NELL1: variants seen among roughly 807,000 people sequenced by gnomAD.
NELL1 encodes the protein neural EGFL like 1.
Under a neutral mutation model 107.4 loss-of-function variants are expected in NELL1, and 76 were observed. The ratio of observed to expected loss-of-function variants is 0.71; its 90% CI spans 0.59 to 0.86. The LOEUF (loss-of-function observed/expected upper bound fraction) is 0.86, where lower values mean the gene tolerates loss of function less well. Among genes scored for constraint, NELL1 ranks in the 40% least tolerant of loss-of-function variants. The probability of loss-of-function intolerance (pLI) is 0.00; values close to 1 mark genes in which losing one functional copy is unlikely to be tolerated. For synonymous variants in NELL1, 353 were observed against 341.2 expected (o/e 1.03, Z -0.38); for missense variants, 1,024 against 1,005.5 (o/e 1.02, Z -0.25).
At chr11:21,100,600 C>A (rs554469571) in intron 12 of NELL1, among the ~76,000 whole-genome samples, 3 of 152,258 alleles carry the variant, frequency 2.0e-5, no homozygotes, top group Non-Finnish European at 2.9e-5. Context: ...CATTTGTAGA[C>A]ATATACTCCA....
At chr11:20,811,309 T>G (rs1457627723) in intron 3 of NELL1, among the ~76,000 whole-genome samples, 7 of 152,324 alleles carry the variant, frequency 4.6e-5, no homozygotes, top group Non-Finnish European at 7.4e-5. Flanking sequence ...GTTGCATGTC[T>G]GTTTTTATGC....
At chr11:21,445,429 C>A (rs1397307096) in intron 15 of NELL1, among the ~76,000 whole-genome samples, 1 of 152,084 alleles carries the variant, frequency 6.6e-6, no homozygotes, top group Non-Finnish European at 1.5e-5. Context: ...CAGGTTCAAG[C>A]AATTTTCCTG....
chr11:21,529,278 C>T (rs1286986437), intron 15 of NELL1, among the ~76,000 whole-genome samples: 2 of 151,936 alleles, frequency 1.3e-5, no homozygotes, highest in Non-Finnish European at 2.9e-5. Flanking sequence ...TTTTTATGAC[C>T]CATATTGAAA....
At chr11:21,020,704 C>G (rs191556205) in intron 12 of NELL1, among the ~76,000 whole-genome samples, 1 of 152,136 alleles carries the variant, frequency 6.6e-6, no homozygotes, top group Non-Finnish European at 1.5e-5. Context: ...GAAGACATCA[C>G]TCCTTCTTGC....
chr11:21,197,834 T>G (rs1590724951), intron 13 of NELL1, among the ~76,000 whole-genome samples: 1 of 152,316 alleles, frequency 6.6e-6, no homozygotes, highest in South Asian at 2.1e-4. Context: ...CTCACTGAAC[T>G]TCTGTTTCAT....
intron 12 of NELL1, among the ~76,000 whole-genome samples, chr11:21,026,100 C>A (rs1398414273): frequency 6.6e-6 from 1 of 152,162 alleles, no homozygotes; most frequent in African/African-American, 2.4e-5. Context: ...TCTCTTAACT[C>A]TTCTCTCTGT....
intron 14 of NELL1, among the ~76,000 whole-genome samples, chr11:21,263,165 A>T (rs953067986): frequency 6.6e-6 from 1 of 151,840 alleles, no homozygotes; most frequent in Non-Finnish European, 1.5e-5. Flanking sequence ...GTGTTCTGTT[A>T]ATGGAGTTCT....
chr11:21,339,771 C>T (rs1220710131), intron 14 of NELL1, among the ~76,000 whole-genome samples: 1 of 152,142 alleles, frequency 6.6e-6, no homozygotes, highest in African/African-American at 2.4e-5. Context: ...GGCTCAAGTG[C>T]CAGGCTTTAG....
At chr11:21,217,019 C>T (rs559577238) in intron 13 of NELL1, among the ~76,000 whole-genome samples, 32 of 152,248 alleles carry the variant, frequency 2.1e-4, no homozygotes, top group African/African-American at 7.7e-4. Flanking sequence ...AGGAGGGACC[C>T]AGTGGGAAGT....
chr11:21,387,450 G>A (rs1216349686), intron 15 of NELL1, among the ~76,000 whole-genome samples: 1 of 151,770 alleles, frequency 6.6e-6, no homozygotes, highest in Non-Finnish European at 1.5e-5. Context: ...CTGGAACTCA[G>A]TTTGCACTCA....
intron 14 of NELL1, among the ~76,000 whole-genome samples, chr11:21,342,414 G>GT (rs1019680385): frequency 6.8e-6 from 1 of 146,516 alleles, no homozygotes; most frequent in Admixed American, 6.8e-5. Context: ...GCTTAAGTGG[G>GT]GGGGGGGGTC....
intron 12 of NELL1, among the ~76,000 whole-genome samples, chr11:21,077,360 A>C (rs1400875638): frequency 6.6e-6 from 1 of 152,208 alleles, no homozygotes; most frequent in African/African-American, 2.4e-5. Flanking sequence ...TGCTATAAAA[A>C]GCCAATAAGC....
intron 12 of NELL1, among the ~76,000 whole-genome samples, chr11:21,001,439 C>T (rs1379965216): frequency 6.6e-6 from 1 of 151,218 alleles, no homozygotes; most frequent in Non-Finnish European, 1.5e-5. Flanking sequence ...GTCTGACTCA[C>T]CACTTGCCAA....
intron 14 of NELL1, among the ~76,000 whole-genome samples, chr11:21,254,857 G>A (rs1365680405): frequency 6.6e-6 from 1 of 152,118 alleles, no homozygotes; most frequent in Non-Finnish European, 1.5e-5. Context: ...CAGTGTGGTT[G>A]CATGGAGTTC....
chr11:21,225,292 A>G (rs1482032078), intron 13 of NELL1, among the ~76,000 whole-genome samples: 1 of 152,158 alleles, frequency 6.6e-6, no homozygotes, highest in Non-Finnish European at 1.5e-5. Context: ...CTCTCAGGAA[A>G]TATGAAGTTG....
intron 5 of NELL1, among the ~76,000 whole-genome samples, chr11:20,914,146 C>G (rs1850194784): frequency 6.6e-6 from 1 of 152,088 alleles, no homozygotes; most frequent in African/African-American, 2.4e-5. Flanking sequence ...GGATCTGTCT[C>G]TAGCTAATGA....
At chr11:21,353,790 C>T (rs926114248) in intron 14 of NELL1, among the ~76,000 whole-genome samples, 2 of 152,120 alleles carry the variant, frequency 1.3e-5, no homozygotes, top group African/African-American at 4.8e-5. Flanking sequence ...ATTAATAATT[C>T]TAATGCTTAC....
intron 3 of NELL1, among the ~76,000 whole-genome samples, chr11:20,846,543 G>A (rs570041110): frequency 1.3e-5 from 2 of 152,272 alleles, no homozygotes; most frequent in African/African-American, 4.8e-5. Context: ...TTAGTGCCTG[G>A]TGAGGCTATC....
chr11:21,358,365 T>G (rs907867117), intron 14 of NELL1, among the ~76,000 whole-genome samples: 3 of 152,016 alleles, frequency 2.0e-5, no homozygotes, highest in African/African-American at 7.2e-5. Context: ...TTCACCTCCT[T>G]GGGGCTAGGT....
Sources: gnomAD v4.1 joint callset for allele counts (sites outside exome capture counted in the v4.1 genomes callset) on GRCh38, gnomAD v4.1.1 for gene constraint, MANE v1.5 for transcripts, NCBI Gene and HGNC (gene_info 2026-07-23, HGNC 2026-07-21) for gene names.